Variants in IPO11 observed in about 807,000 individuals in gnomAD.
IPO11 encodes importin-11.
IPO11 carries 66 observed loss-of-function variants against 143.2 expected under a neutral mutation model. That is an observed-to-expected ratio of 0.46 (90% CI 0.38 to 0.57). The LOEUF is 0.57. Ranked by LOEUF, IPO11 falls within the 20% of genes least tolerant of loss-of-function variation. The pLI is 0.00. For missense variants in IPO11, 1,026 were observed against 1,141.0 expected, an observed-to-expected ratio of 0.90 and a Z score of 1.45; for synonymous variants, 385 against 377.8, an observed-to-expected ratio of 1.02 and a Z score of -0.22.
At chr5:62,440,102 G>A (rs1197257595) in intron 2 of IPO11, among the ~76,000 whole-genome samples, 1 of 152,170 alleles carries the variant, frequency 6.6e-6, no homozygotes, top group Non-Finnish European at 1.5e-5. Flanking sequence ...CACTGTGCTA[G>A]ATTCTAGGCG....
Position 62,443,128 on chromosome 5 carries a change from A to G in IPO11, c.239+45A>G, listed in dbSNP as rs747522370. On this transcript the variant is annotated intron_variant, in intron 3 of 29. Transcript: ENST00000325324. ...CTATTCCTTGAGTATAATCCTTCCC[A>G]AATTCAGGAAGGTGTAAGAATACTT... 16 of 1,228,416 alleles carry G rather than the reference A, an allele frequency of 1.3e-5. 1 individual carries two copies. In the South Asian group the frequency reaches 1.7e-4, roughly 13 times the overall value. The allele number at this position is 1,228,416 out of a possible 1,614,324, so 76.1% of individuals were successfully genotyped here. A position where few individuals can be genotyped will look rare whatever the true frequency, so the allele number is the denominator to read the frequency against.
At chr5:62,483,316 A>G (rs1185383847) in intron 10 of IPO11, 23 bp downstream of exon 10, 1 of 1,392,558 alleles carries the variant, frequency 7.2e-7, no homozygotes, top group Non-Finnish European at 9.9e-7. Context: ...TTGGCAGTTT[A>G]AAAGAATTAT....
At chr5:62,595,152 A>G (rs986875249) in intron 28 of IPO11, among the ~76,000 whole-genome samples, 4 of 152,202 alleles carry the variant, frequency 2.6e-5, no homozygotes, top group African/African-American at 9.6e-5. Flanking sequence ...TTTGGGGGTC[A>G]CACAGTAGAA....
At chr5:62,421,498 T>C (rs1743513895) in intron 1 of IPO11, among the ~76,000 whole-genome samples, 1 of 152,226 alleles carries the variant, frequency 6.6e-6, no homozygotes, top group Non-Finnish European at 1.5e-5. Context: ...AAAGTAAAAG[T>C]GTTTAATCTT....
In IPO11 at chr5:62,487,648, A is replaced by G. The variant is rs558270793; in HGVS notation, c.1219-123A>G. ...TAACCTTACTTTTTTTTTTTAACAA[A>G]TCAAAAGTTGGAAACATTTTCAAAG... On this transcript the variant is annotated intron_variant, in intron 12 of 29. Coordinates refer to ENST00000325324, the MANE Select transcript of IPO11 (RefSeq NM_016338.5). The G allele has an allele frequency of 1.1e-5, 12 of 1,090,094 alleles. No individual in the cohort carries two copies. The South Asian group carries it at 4.6e-4, about 42-fold the overall frequency. The allele number at this position is 1,090,094 out of a possible 1,614,324, so 67.5% of individuals were successfully genotyped here. A position where few individuals can be genotyped will look rare whatever the true frequency, so the allele number is the denominator to read the frequency against.
At chr5:62,496,813 TAAC>T (rs1441431631) in intron 16 of IPO11, among the ~76,000 whole-genome samples, 1 of 152,182 alleles carries the variant, frequency 6.6e-6, no homozygotes, top group Non-Finnish European at 1.5e-5. Flanking sequence ...GAGGAAAACT[TAAC>T]AATATTTCAA....
At chr5:62,621,478 C>G (rs1746370804) in intron 29 of IPO11, among the ~76,000 whole-genome samples, 2 of 152,154 alleles carry the variant, frequency 1.3e-5, no homozygotes, top group Admixed American at 6.5e-5. Context: ...AAGGCTCCAC[C>G]CTGTCCTCCC....
intron 20 of IPO11, among the ~76,000 whole-genome samples, chr5:62,521,394 TTCTTTG>T (rs987729034): frequency 3.9e-5 from 6 of 152,238 alleles, no homozygotes; most frequent in Non-Finnish European, 8.8e-5. Context: ...GACTTTTTTT[TTCTTTG>T]TCTTAAGACT....
intron 7 of IPO11, among the ~76,000 whole-genome samples, chr5:62,470,923 G>A (rs1402970439): frequency 1.4e-5 from 2 of 141,950 alleles, no homozygotes; most frequent in African/African-American, 5.3e-5. Flanking sequence ...TGCCTCCTGG[G>A]TTCAAGCAGT....
At chr5:62,622,685 C>G (rs1746418091) in intron 29 of IPO11, among the ~76,000 whole-genome samples, 1 of 152,028 alleles carries the variant, frequency 6.6e-6, no homozygotes, top group African/African-American at 2.4e-5. Flanking sequence ...TAAAGGCATA[C>G]TAGAGTAAGA....
intron 29 of IPO11, among the ~76,000 whole-genome samples, chr5:62,605,137 A>G (rs1323139458): frequency 2.6e-5 from 4 of 152,192 alleles, no homozygotes; most frequent in African/African-American, 9.7e-5. Context: ...TAGGAAGAAA[A>G]ATATAGCTGC....
rs753370558 is a variant in IPO11, at chr5:62,579,702, A to G, written c.2583-11875A>G. 27 of 1,548,476 alleles carry G rather than the reference A, an allele frequency of 1.7e-5. No homozygotes were observed. In the South Asian group the frequency reaches 3.2e-4, roughly 19 times the overall value. ...TAACAGGACTTCATTCTCTTGTAGC[A>G]TTGTATTTGGATAATTCTAACATTC... On this transcript the variant is annotated intron_variant, in intron 27 of 29. Transcript: ENST00000325324.
In IPO11 at chr5:62,526,267, A is replaced by C; in HGVS notation, c.2012+10A>C. 6.5e-7 allele frequency: 1 copy of C among 1,527,070 alleles called. No individual in the cohort carries two copies. Among genetic ancestry groups the C allele is most frequent in the South Asian group, 1.1e-5 (1 of 89,268 alleles). The allele number at this position is 1,527,070 out of a possible 1,614,324, so 94.6% of individuals were successfully genotyped here. A position where few individuals can be genotyped will look rare whatever the true frequency, so the allele number is the denominator to read the frequency against. ...ATGGTTTAGAATTATGGTAAGAGGA[A>C]AAACTTAATACCATGGATCTTATTT... On this transcript the variant is annotated intron_variant, in intron 21 of 29. Coordinates refer to ENST00000325324, the MANE Select transcript of IPO11 (RefSeq NM_016338.5).
At chr5:62,530,508 A>G (rs1386349550) in intron 21 of IPO11, among the ~76,000 whole-genome samples, 1 of 152,220 alleles carries the variant, frequency 6.6e-6, no homozygotes, top group Non-Finnish European at 1.5e-5. Flanking sequence ...TTTGCTATGT[A>G]TGTAGAAATA....
chr5:62,625,762 A>G (rs1746545503), intron 29 of IPO11, among the ~76,000 whole-genome samples: 1 of 152,224 alleles, frequency 6.6e-6, no homozygotes, highest in Non-Finnish European at 1.5e-5. Context: ...ACACAGGCCT[A>G]GCTGCTTAGA....
chr5:62,580,004 A>C, intron 27 of IPO11: 4 of 1,551,298 alleles, frequency 2.6e-6, no homozygotes, highest in Non-Finnish European at 3.5e-6. Flanking sequence ...GATTTATCAA[A>C]CAATAACATT....
In IPO11 at chr5:62,519,577, CATT is replaced by C. The variant is rs1250067107; in HGVS notation, c.1896+4079_1896+4081del. ...TATAAAGACGGTTGAAGGCCTATAT[CATT>C]ATGTCATGATTAATTTTATTTCTTA... On this transcript the variant is annotated intron_variant, in intron 20 of 29. Coordinates refer to ENST00000325324, the MANE Select transcript of IPO11 (RefSeq NM_016338.5). Among the ~76,000 whole-genome samples the C allele has an allele frequency of 3.0e-4, 46 of 152,290 alleles. 1 individual carries two copies. Among genetic ancestry groups the C allele is most frequent in the Admixed American group, 2.8e-3 (43 of 15,298 alleles).
intron 1 of IPO11, among the ~76,000 whole-genome samples, chr5:62,430,764 G>T (rs1211496604): frequency 6.8e-6 from 1 of 147,232 alleles, no homozygotes. Flanking sequence ...TGCAACCTCT[G>T]CCTCCTGGGT....
intron 9 of IPO11, among the ~76,000 whole-genome samples, chr5:62,480,363 C>G (rs1023609613): frequency 6.6e-6 from 1 of 152,152 alleles, no homozygotes; most frequent in South Asian, 2.1e-4. Context: ...AGTTTGAAGT[C>G]AGGTAGCATG....
Sources: allele counts gnomAD v4.1 joint callset (sites outside exome capture counted in the v4.1 genomes callset), GRCh38; gene constraint gnomAD v4.1.1; transcripts MANE v1.5; gene names NCBI Gene and HGNC (gene_info 2026-07-23, HGNC 2026-07-21).